Variants in SNRNP27 observed in about 807,000 individuals in gnomAD.
SNRNP27 encodes the protein U4/U6.U5 small nuclear ribonucleoprotein 27 kDa protein.
A neutral mutation model predicts 25.1 loss-of-function variants in SNRNP27; 22 were observed. The ratio of observed to expected loss-of-function variants is 0.88; its 90% CI spans 0.63 to 1.25. The LOEUF (loss-of-function observed/expected upper bound fraction) is 1.25. SNRNP27 is among the 50% of genes most tolerant of loss of function. The pLI is 0.00. For missense variants in SNRNP27, 150 were observed against 202.3 expected (o/e 0.74, Z 1.57); for synonymous variants, 66 against 64.9 (o/e 1.02, Z -0.08).
Position 69,897,461 on chromosome 2 carries a change from G to A in SNRNP27, c.348+5G>A, listed in dbSNP as rs1676625343. ...GCCTCCTTTGACTCCACAAAAGTAAGTAAAACGTGCAACATTCTCATTTGA... is the reference window on the plus strand; with the variant it reads ...GCCTCCTTTGACTCCACAAAAGTAAATAAAACGTGCAACATTCTCATTTGA... On this transcript the variant is annotated splice_donor_5th_base_variant and intron_variant, in intron 4 of 5. Transcript: ENST00000244227. 3 of 1,595,188 alleles carry A rather than the reference G, an allele frequency of 1.9e-6. No homozygotes were observed. Among genetic ancestry groups the A allele is most frequent in the East Asian group, 2.2e-5 (1 of 44,716 alleles).
chr2:69,904,494 T>TA lies in SNRNP27; in HGVS notation c.*187dup. 1 of 641,060 alleles carries TA rather than the reference T, an allele frequency of 1.6e-6. No individual in the cohort carries two copies. Among genetic ancestry groups the TA allele is most frequent in the South Asian group, 1.8e-5 (1 of 55,456 alleles). The allele number at this position is 641,060 out of a possible 1,614,324, so 39.7% of individuals were successfully genotyped here. A position where few individuals can be genotyped will look rare whatever the true frequency, so the allele number is the denominator to read the frequency against. ...CCTCAACAGAAGAAAGGTTAAATAT[T>TA]ACATTTTTTTCTTTTAGGAAATATC... On this transcript the variant is annotated 3_prime_UTR_variant, in exon 6 of 6. Transcript: ENST00000244227.
At chr2:69,896,106 C>T (rs961870120) in intron 2 of SNRNP27, among the ~76,000 whole-genome samples, 14 of 151,998 alleles carry the variant, frequency 9.2e-5, no homozygotes, top group Non-Finnish European at 1.8e-4. Flanking sequence ...CAAGCCCCAC[C>T]TGGCTCTGAG....
rs1393090006 is a variant in SNRNP27 at position 69,893,988 on chromosome 2, G to A, written c.4G>A (p.Gly2Ser). Residue 2 changes from glycine (G) to serine (S), a missense_variant, in exon 1 of 6, where the codon GGT (glycine) becomes AGT (serine). By Grantham distance (56) the Gly-to-Ser change is moderately conservative. This residue lies in a region of SNRNP27 where 142 missense variants were observed against 168.6 expected (regional missense o/e 0.84). Transcript: ENST00000244227. ...TTTCCGGGAAGCGGGACTCCAAATG[G>A]GTCGCAGTCGCAGCCGCTCTCCACG... MGRSRSRSPRRE... is the reference protein window; with the variant it reads MSRSRSRSPRRE... 1.9e-6 allele frequency: 3 copies of A among 1,614,098 alleles called. No homozygotes were observed. The highest frequency in any genetic ancestry group is 1.7e-5 in the Admixed American group (1 of 60,024).
chr2:69,896,676 GT>G (rs35135448), intron 3 of SNRNP27, 128 bp downstream of exon 3: 19,757 of 664,842 alleles, frequency 0.03, no homozygotes, highest in East Asian at 0.034. Flanking sequence ...GTTTTTTTTG[GT>G]TTTTTTTTTT....
Position 69,896,022 on chromosome 2 carries a change from G to A in SNRNP27, c.156-414G>A, listed in dbSNP as rs1445010104. The stretch of plus-strand genomic sequence containing the variant: ...GGGTCTCCCTGTGTTGCCCAGGCTG[G>A]TCTTGAATTCCTAGGCTCAAGCAAT... On this transcript the variant is annotated intron_variant, in intron 2 of 5. Transcript: ENST00000244227. 2.7e-5 allele frequency among the ~76,000 whole-genome samples: 4 copies of A among 150,514 alleles called. No homozygotes were observed. The East Asian group carries it at 7.8e-4, about 29-fold the overall frequency.
chr2:69,898,642 T>G (rs1676641054), intron 4 of SNRNP27, among the ~76,000 whole-genome samples: 1 of 152,186 alleles, frequency 6.6e-6, no homozygotes, highest in African/African-American at 2.4e-5. Flanking sequence ...GCTGTAAGTT[T>G]CTTTCTAACT....
At chr2:69,896,358 A>G in intron 2 of SNRNP27, 78 bp from the exon 3 acceptor site, 1 of 1,321,700 alleles carries the variant, frequency 7.6e-7, no homozygotes, top group South Asian at 1.3e-5. Context: ...TGTGGAGCTC[A>G]CCTCATGTAT....
intron 4 of SNRNP27, among the ~76,000 whole-genome samples, chr2:69,899,344 G>C (rs928586368): frequency 1.3e-5 from 2 of 152,098 alleles, no homozygotes; most frequent in East Asian, 3.8e-4. Context: ...TTGATCTATT[G>C]TGGGACCTCT....
chr2:69,901,643 C>T (rs1002934507), intron 4 of SNRNP27, among the ~76,000 whole-genome samples: 9 of 151,924 alleles, frequency 5.9e-5, no homozygotes, highest in African/African-American at 2.2e-4. Context: ...TAGTGAGATC[C>T]CATCTCTACA....
chr2:69,896,597 A>C, intron 3 of SNRNP27, 49 bp downstream of exon 3: 1 of 1,476,388 alleles, frequency 6.8e-7, no homozygotes, highest in African/African-American at 1.4e-5. Context: ...TGATGATAAA[A>C]TTATAAAAGT....
At chr2:69,896,289 A>G in intron 2 of SNRNP27, 147 bp from the exon 3 acceptor site, 1 of 693,820 alleles carries the variant, frequency 1.4e-6, no homozygotes, top group Non-Finnish European at 2.3e-6. Flanking sequence ...TTTTGTTAAC[A>G]ATCAAGGCCT....
chr2:69,894,103 G>A, intron 1 of SNRNP27, 85 bp downstream of exon 1: 2 of 1,283,570 alleles, frequency 1.6e-6, no homozygotes, highest in South Asian at 2.5e-5. Context: ...TTTGGTAGCC[G>A]CGTAGCAGAG....
chr2:69,899,992 T>A (rs932138790), intron 4 of SNRNP27, among the ~76,000 whole-genome samples: 6 of 151,976 alleles, frequency 3.9e-5, no homozygotes, highest in African/African-American at 9.7e-5. Context: ...CCATTTTTTT[T>A]TTTTTATTTT....
chr2:69,899,373 A>C (rs1676655664), intron 4 of SNRNP27, among the ~76,000 whole-genome samples: 1 of 151,466 alleles, frequency 6.6e-6, no homozygotes, highest in South Asian at 2.1e-4. Context: ...CAGTATAGTC[A>C]CCCATTTTCC....
intron 4 of SNRNP27, among the ~76,000 whole-genome samples, chr2:69,897,925 T>A (rs1232773689): frequency 9.7e-6 from 1 of 103,522 alleles, no homozygotes; most frequent in Non-Finnish European, 1.8e-5. Flanking sequence ...GGAGAGGAAG[T>A]AGTGATTTTT....
chr2:69,894,339 A>G (rs910139560), intron 1 of SNRNP27, among the ~76,000 whole-genome samples: 5 of 152,218 alleles, frequency 3.3e-5, no homozygotes, highest in African/African-American at 1.2e-4. Flanking sequence ...GACGGTGGGC[A>G]AGTCACTACT....
At chr2:69,896,400 C>T in intron 2 of SNRNP27, 36 bp from the exon 3 acceptor site, 1 of 1,596,302 alleles carries the variant, frequency 6.3e-7, no homozygotes, top group Non-Finnish European at 8.6e-7. Context: ...GTTGATATGT[C>T]TGTCTGTTTC....
At chr2:69,901,345 A>G (rs1676694518) in intron 4 of SNRNP27, among the ~76,000 whole-genome samples, 1 of 152,208 alleles carries the variant, frequency 6.6e-6, no homozygotes, top group Admixed American at 6.5e-5. Flanking sequence ...AAGGCAATTC[A>G]GGCATGAGGA....
chr2:69,896,921 G>A (rs545639441), intron 3 of SNRNP27, among the ~76,000 whole-genome samples: 3 of 152,068 alleles, frequency 2.0e-5, no homozygotes, highest in South Asian at 4.2e-4. Flanking sequence ...TGATCCTCCC[G>A]CCTCGGCCTC....
Sources: gnomAD v4.1 joint callset for allele counts (sites outside exome capture counted in the v4.1 genomes callset) on GRCh38, gnomAD v4.1.1 for gene constraint, gnomAD v4.1.1 regional missense constraint, MANE v1.5 for transcripts, NCBI Gene and HGNC (gene_info 2026-07-23, HGNC 2026-07-21) for gene names.